The following GSTCD variants were observed in gnomAD, a reference collection of about 807,000 sequenced individuals.
GSTCD encodes the protein glutathione S-transferase C-terminal domain-containing protein.
Under a neutral mutation model 68.3 loss-of-function variants are expected in GSTCD, and 44 were observed. That is an observed-to-expected ratio of 0.64 (90% CI 0.51 to 0.83). The LOEUF is 0.83. GSTCD is among the 40% of genes least tolerant of loss of function. The probability of loss-of-function intolerance (pLI) is 0.00; values close to 1 mark genes in which losing one functional copy is unlikely to be tolerated. For synonymous variants in GSTCD, 273 were observed against 255.2 expected (o/e 1.07, Z -0.67); for missense variants, 739 against 735.9 (o/e 1.00, Z -0.05).
chr4:105,797,046 ATGTGTGTGTGTGTGTG>A (rs201988913), intron 5 of GSTCD, among the ~76,000 whole-genome samples: 1 of 145,620 alleles, frequency 6.9e-6, no homozygotes, highest in South Asian at 2.2e-4. Context: ...ACAGAGATAC[ATGTGTGTGTGTGTGTG>A]TGTGTGTGTG....
rs376599204 is a variant in GSTCD, at chr4:105,822,943, G to A, written c.1241-11G>A. 14 of 1,588,496 alleles carry A rather than the reference G, an allele frequency of 8.8e-6. No individual in the cohort carries two copies. The African/African-American group carries it at 1.9e-4, about 21-fold the overall frequency. The stretch of plus-strand genomic sequence containing the variant: ...TAATGTTTTGTGTTCTTCATTTCTT[G>A]TCTTTCTCAGGTAAAATGTCCAGTG... On this transcript the variant is annotated splice_polypyrimidine_tract_variant and intron_variant, in intron 5 of 11. Coordinates refer to ENST00000515279, the MANE Select transcript of GSTCD (RefSeq NM_001370181.1).
chr4:105,740,002 C>T (rs751861707), intron 5 of GSTCD, among the ~76,000 whole-genome samples: 6 of 152,050 alleles, frequency 3.9e-5, no homozygotes, highest in Non-Finnish European at 5.9e-5. Flanking sequence ...AAGAGGTGGT[C>T]ACAGGTAGGC....
intron 5 of GSTCD, among the ~76,000 whole-genome samples, chr4:105,748,422 T>G (rs1352219834): frequency 6.6e-6 from 1 of 152,174 alleles, no homozygotes; most frequent in African/African-American, 2.4e-5. Context: ...AACCTGCCCA[T>G]ATTTGACTCA....
At chr4:105,810,012 T>C (rs1722691900) in intron 5 of GSTCD, among the ~76,000 whole-genome samples, 1 of 152,016 alleles carries the variant, frequency 6.6e-6, no homozygotes, top group African/African-American at 2.4e-5. Context: ...TTATAAATAA[T>C]AGCACAAAGT....
intron 5 of GSTCD, among the ~76,000 whole-genome samples, chr4:105,787,828 A>G (rs1234288820): frequency 2.6e-5 from 4 of 152,128 alleles, no homozygotes; most frequent in African/African-American, 9.7e-5. Context: ...TTTCAAGAAT[A>G]TAGAAATTAT....
Position 105,718,046 on chromosome 4 carries a change from A to G in GSTCD, c.426+7A>G. 12 of 1,574,498 alleles carry G rather than the reference A, an allele frequency of 7.6e-6. No individual in the cohort carries two copies. The highest frequency in any genetic ancestry group is 1.0e-5 in the Non-Finnish European group (12 of 1,164,574). ...CTTGAAAGCCTGTGCTGAAGTAAGT[A>G]TAATGTCTTTTTTCTGTTATTTGAA... On this transcript the variant is annotated splice_region_variant and intron_variant, in intron 2 of 11. Coordinates refer to ENST00000515279, the MANE Select transcript of GSTCD (RefSeq NM_001370181.1).
chr4:105,776,250 T>G (rs911111763), intron 5 of GSTCD, among the ~76,000 whole-genome samples: 1 of 152,142 alleles, frequency 6.6e-6, no homozygotes, highest in Admixed American at 6.5e-5. Context: ...GAATTTCAAG[T>G]CAGTGGATCT....
intron 5 of GSTCD, among the ~76,000 whole-genome samples, chr4:105,797,046 A>ATGTG (rs201988913): frequency 0.055 from 8,056 of 145,526 alleles, 242 homozygotes; most frequent in African/African-American, 0.063. Flanking sequence ...ACAGAGATAC[A>ATGTG]TGTGTGTGTG....
At chr4:105,786,023 T>C (rs1478619122) in intron 5 of GSTCD, among the ~76,000 whole-genome samples, 1 of 152,190 alleles carries the variant, frequency 6.6e-6, no homozygotes, top group Non-Finnish European at 1.5e-5. Context: ...ACAATAACCC[T>C]TACATTACAT....
intron 1 of GSTCD, among the ~76,000 whole-genome samples, chr4:105,711,404 G>GT (rs150038037): frequency 0.045 from 6,794 of 151,906 alleles, 210 homozygotes; most frequent in Middle Eastern, 0.13. Flanking sequence ...TAACAAATAT[G>GT]TTTTTTTTCA....
chr4:105,763,490 A>G (rs1734491366), intron 5 of GSTCD, among the ~76,000 whole-genome samples: 1 of 152,172 alleles, frequency 6.6e-6, no homozygotes, highest in African/African-American at 2.4e-5. Flanking sequence ...TATTTGCACA[A>G]GGTCCCACAA....
intron 5 of GSTCD, among the ~76,000 whole-genome samples, chr4:105,792,204 G>A (rs1735703108): frequency 1.3e-5 from 2 of 151,876 alleles, no homozygotes; most frequent in East Asian, 3.8e-4. Flanking sequence ...AATGTAGTGT[G>A]ATCTACTGTT....
intron 5 of GSTCD, among the ~76,000 whole-genome samples, chr4:105,779,568 A>G (rs1735201079): frequency 6.6e-6 from 1 of 152,188 alleles, no homozygotes. Flanking sequence ...TTCTCTGTCA[A>G]ATTTTTGCAA....
intron 5 of GSTCD, among the ~76,000 whole-genome samples, chr4:105,818,371 A>G (rs1723109386): frequency 6.6e-6 from 1 of 151,898 alleles, no homozygotes; most frequent in African/African-American, 2.4e-5. Flanking sequence ...AAAGTTTTAA[A>G]GCAAGGAGAT....
intron 5 of GSTCD, among the ~76,000 whole-genome samples, chr4:105,807,010 G>A (rs1278644780): frequency 1.3e-5 from 2 of 151,860 alleles, no homozygotes; most frequent in East Asian, 1.9e-4. Flanking sequence ...CGCCATTTAC[G>A]TGCTCCCCTT....
chr4:105,834,369 G>T, intron 8 of GSTCD, 92 bp from the exon 9 acceptor site: 2 of 1,193,866 alleles, frequency 1.7e-6, no homozygotes, highest in Non-Finnish European at 2.4e-6. Context: ...GTGGTCCTTT[G>T]GTATGGCCAA....
chr4:105,806,303 A>G (rs941735554), intron 5 of GSTCD, among the ~76,000 whole-genome samples: 1 of 152,240 alleles, frequency 6.6e-6, no homozygotes, highest in South Asian at 2.1e-4. Flanking sequence ...TTTTATTCAT[A>G]TGGAAAATGG....
chr4:105,795,437 A>G (rs144199832), intron 5 of GSTCD, among the ~76,000 whole-genome samples: 369 of 152,180 alleles, frequency 2.4e-3, no homozygotes, highest in Non-Finnish European at 4.6e-3. Flanking sequence ...GAGTTTAAGG[A>G]CAGTTTTTGT....
chr4:105,829,299 C>CA (rs1723801612), intron 8 of GSTCD, among the ~76,000 whole-genome samples: 2 of 151,656 alleles, frequency 1.3e-5, no homozygotes, highest in South Asian at 4.2e-4. Flanking sequence ...AATTTCCAAT[C>CA]AACTTTTTAG....
Sources: gnomAD v4.1 joint callset for allele counts (sites outside exome capture counted in the v4.1 genomes callset) on GRCh38, gnomAD v4.1.1 for gene constraint, MANE v1.5 for transcripts, NCBI Gene and HGNC (gene_info 2026-07-23, HGNC 2026-07-21) for gene names.